XRCC5: variants seen among roughly 807,000 people sequenced by gnomAD.
XRCC5 encodes X-ray repair cross complementing 5.
In XRCC5, 12 loss-of-function variants were observed where a neutral mutation model predicts 95.7. The observed-to-expected ratio is 0.13, with a 90% confidence interval of 0.08 to 0.20. The LOEUF is 0.20. Among genes scored for constraint, XRCC5 ranks in the 10% least tolerant of loss-of-function variants. XRCC5 has a pLI of 1.00. For missense variants in XRCC5, 595 were observed against 873.9 expected (o/e 0.68, Z 4.02); for synonymous variants, 281 against 290.3 (o/e 0.97, Z 0.33).
At chr2:216,157,703 G>A (rs1342968980) in intron 14 of XRCC5, among the ~76,000 whole-genome samples, 1 of 152,196 alleles carries the variant, frequency 6.6e-6, no homozygotes, top group East Asian at 1.9e-4. Flanking sequence ...TACATATTCA[G>A]TAAATATTAG....
chr2:216,164,240 T>C (rs1409818313), intron 16 of XRCC5, among the ~76,000 whole-genome samples: 1 of 152,212 alleles, frequency 6.6e-6, no homozygotes, highest in Non-Finnish European at 1.5e-5. Flanking sequence ...ATGTCGTCAA[T>C]TACCTCAGCC....
intron 14 of XRCC5, among the ~76,000 whole-genome samples, chr2:216,152,811 C>T (rs1688769910): frequency 6.6e-6 from 1 of 151,884 alleles, no homozygotes; most frequent in South Asian, 2.1e-4. Context: ...CTCACGCCGG[C>T]TAAGTTTTTT....
rs41296408 is a variant in XRCC5, at chr2:216,148,387, GGAA to G, written c.1670+116_1670+118del. ...GGTCTATGGAATTTAAAAGGTGAGA[GGAA>G]GAAGCCTTTTGCTATTTGGCCCTTA... On this transcript the variant is annotated intron_variant, in intron 14 of 20. Coordinates refer to ENST00000392132, the MANE Select transcript of XRCC5 (RefSeq NM_021141.4). 3.4e-3 allele frequency: 3,302 copies of G among 982,270 alleles called. 69 individuals carry two copies. The African/African-American group carries it at 0.05, about 15-fold the overall frequency. The allele number at this position is 982,270 out of a possible 1,614,324, so 60.8% of individuals were successfully genotyped here. A position where few individuals can be genotyped will look rare whatever the true frequency, so the allele number is the denominator to read the frequency against.
At chr2:216,175,399 A>G (rs2106036340) in intron 16 of XRCC5, 1 of 512,316 alleles carries the variant, frequency 2.0e-6, no homozygotes, top group South Asian at 1.4e-5. Context: ...CACCTCCATC[A>G]CCTCTGTGAT....
chr2:216,163,832 T>A (rs1688999632), intron 16 of XRCC5, among the ~76,000 whole-genome samples: 1 of 152,236 alleles, frequency 6.6e-6, no homozygotes, highest in Non-Finnish European at 1.5e-5. Flanking sequence ...AAGAACAGCT[T>A]CGTTATCACA....
At chr2:216,118,258 GC>G (rs1196915045) in intron 4 of XRCC5, among the ~76,000 whole-genome samples, 2 of 151,556 alleles carry the variant, frequency 1.3e-5, no homozygotes, top group Non-Finnish European at 2.9e-5. Context: ...AGCAACCTCA[GC>G]TTGATCTCCT....
chr2:216,198,665 G>T (rs895569812), intron 19 of XRCC5, among the ~76,000 whole-genome samples: 2 of 151,960 alleles, frequency 1.3e-5, no homozygotes, highest in Admixed American at 1.3e-4. Context: ...AAGCAGTTGT[G>T]CCTCAGCCTC....
At chr2:216,137,001 A>C in intron 10 of XRCC5, 87 bp from the exon 11 acceptor site, 2 of 1,434,992 alleles carry the variant, frequency 1.4e-6, no homozygotes, top group Non-Finnish European at 1.8e-6. Context: ...AATAGAAAGA[A>C]AGTGATAACA....
chr2:216,142,654 G>A lies in XRCC5; in HGVS notation c.1476+1335G>A, dbSNP rs553351002. Among the ~76,000 whole-genome samples, 90 of 152,256 alleles carry A rather than the reference G, an allele frequency of 5.9e-4. 1 individual carries two copies. The highest frequency in any genetic ancestry group is 2.1e-3 in the African/African-American group (89 of 41,550). ...AAGCTGTTGCTCACAGAGGAGTAGA[G>A]GGCCCTTTTCTGCAGGTTGGGGGTA... On this transcript the variant is annotated intron_variant, in intron 13 of 20. Transcript: ENST00000392132.
rs536894262 is a variant in XRCC5 at position 216,113,355 on chromosome 2, G to A, written c.135+226G>A. 1.3e-4 allele frequency among the ~76,000 whole-genome samples: 19 copies of A among 151,976 alleles called. No individual in the cohort carries two copies. The East Asian group carries it at 1.7e-3, about 14-fold the overall frequency. ...TTCACTAGATATTACAGTTTTTATC[G>A]GAAACAAGAGGCAGTAAAAAGTAAT... On this transcript the variant is annotated intron_variant, in intron 2 of 20. Transcript: ENST00000392132.
rs893298916 is a variant in XRCC5, at chr2:216,182,591, C to G, written c.1835-7634C>G. 6.6e-5 allele frequency among the ~76,000 whole-genome samples: 10 copies of G among 152,286 alleles called. No homozygotes were observed. In the South Asian group the frequency reaches 1.9e-3, roughly 28 times the overall value. On this transcript the variant is annotated intron_variant, in intron 16 of 20. Transcript: ENST00000392132. ...TCTGCCCTCCCTAGTCTTCACCCCC[C>G]ACCACAACACATTCTTTCAGGCATA...
rs1689932722 is a variant in XRCC5 at position 216,205,872 on chromosome 2, C to G, written c.*670C>G. On this transcript the variant is annotated 3_prime_UTR_variant, in exon 21 of 21. Transcript: ENST00000392132. ...AAGCAGTGAGTTATGGTGGTGGTCT[C>G]ATGAAGAAAAGACCTTTTGGCCCAA... 6.6e-6 allele frequency: 1 copy of G among 152,188 alleles called. No individual in the cohort carries two copies. The highest frequency in any genetic ancestry group is 6.5e-5 in the Admixed American group (1 of 15,268). 9.4% of individuals were successfully genotyped at this position (152,188 alleles called of 1,614,324 possible). A position where few individuals can be genotyped will look rare whatever the true frequency, so the allele number is the denominator to read the frequency against.
chr2:216,168,959 C>A (rs1364600289), intron 16 of XRCC5, among the ~76,000 whole-genome samples: 1 of 152,238 alleles, frequency 6.6e-6, no homozygotes, highest in Non-Finnish European at 1.5e-5. Flanking sequence ...TCTTTTGATT[C>A]CTAATGCCTT....
intron 12 of XRCC5, among the ~76,000 whole-genome samples, chr2:216,140,605 T>A (rs956619799): frequency 5.9e-5 from 9 of 152,130 alleles, no homozygotes; most frequent in African/African-American, 2.2e-4. Flanking sequence ...GGGCAAGACA[T>A]GTACGCAGGT....
chr2:216,135,088 A>G (rs1300585677), intron 10 of XRCC5, among the ~76,000 whole-genome samples: 3 of 77,068 alleles, frequency 3.9e-5, no homozygotes, highest in Non-Finnish European at 7.8e-5. Flanking sequence ...TCTTGGGGTC[A>G]TAGTTTTTTT....
At chr2:216,153,746 G>A (rs1445668773) in intron 14 of XRCC5, among the ~76,000 whole-genome samples, 1 of 152,340 alleles carries the variant, frequency 6.6e-6, no homozygotes, top group East Asian at 1.9e-4. Flanking sequence ...TCCAGAGCTT[G>A]TACTTCAAAC....
intron 17 of XRCC5, 116 bp from the exon 18 acceptor site, chr2:216,192,523 T>G: frequency 5.3e-6 from 3 of 571,022 alleles, no homozygotes; most frequent in Non-Finnish European, 8.7e-6. Flanking sequence ...AGAAGAACAT[T>G]TTATTTTTTT....
intron 16 of XRCC5, among the ~76,000 whole-genome samples, chr2:216,165,277 G>A (rs72952700): frequency 0.11 from 16,514 of 152,138 alleles, 958 homozygotes; most frequent in South Asian, 0.18. Flanking sequence ...TGAATAGATT[G>A]TTCTTTTATA....
intron 10 of XRCC5, among the ~76,000 whole-genome samples, chr2:216,133,938 A>G (rs207878): frequency 0.37 from 56,547 of 152,116 alleles, 12,621 homozygotes; most frequent in South Asian, 0.53. Flanking sequence ...CTCTTCATGC[A>G]TTTGGAGAAT....
Sources: allele counts gnomAD v4.1 joint callset (sites outside exome capture counted in the v4.1 genomes callset), GRCh38; gene constraint gnomAD v4.1.1; transcripts MANE v1.5; gene names NCBI Gene and HGNC (gene_info 2026-07-23, HGNC 2026-07-21).